Variants in MTPN observed in about 807,000 individuals in gnomAD.
MTPN encodes the protein myotrophin.
In MTPN, 2 loss-of-function variants were observed where a neutral mutation model predicts 13.5. That is an observed-to-expected ratio of 0.15 (90% confidence interval 0.06 to 0.47). The LOEUF (loss-of-function observed/expected upper bound fraction) is 0.47. MTPN is among the 20% of genes least tolerant of loss of function. The probability of loss-of-function intolerance (pLI) is 0.97; values close to 1 mark genes in which losing one functional copy is unlikely to be tolerated. For synonymous variants in MTPN, 46 were observed against 51.7 expected (o/e 0.89, Z 0.48); for missense variants, 79 against 137.9 (o/e 0.57, Z 2.14).
intron 3 of MTPN, among the ~76,000 whole-genome samples, chr7:135,935,078 G>A (rs750474715): frequency 2.0e-5 from 3 of 152,060 alleles, no homozygotes; most frequent in Non-Finnish European, 2.9e-5. Flanking sequence ...CTCCAACAAG[G>A]TGAAGAACAC....
intron 3 of MTPN, chr7:135,932,168 A>G (rs1799033157): frequency 6.6e-6 from 1 of 152,124 alleles, no homozygotes; most frequent in African/African-American, 2.4e-5. Context: ...TATTTTCCTC[A>G]CCAAATTTCA....
intron 3 of MTPN, among the ~76,000 whole-genome samples, chr7:135,939,925 A>T (rs1376623398): frequency 2.6e-5 from 4 of 152,208 alleles, no homozygotes; most frequent in African/African-American, 9.7e-5. Context: ...GGGTCATAGT[A>T]ACAGAAATAT....
In MTPN at chr7:135,930,091, G is replaced by A. The variant is rs906299247; in HGVS notation, c.271-79C>T. ...ATGTAAGACTAGCTCACATGGCACAGGTTAATGTTTACATCAAGAATTAAA... is the reference window on the plus strand; with the variant it reads ...ATGTAAGACTAGCTCACATGGCACAAGTTAATGTTTACATCAAGAATTAAA... On this transcript the variant is annotated intron_variant, in intron 3 of 3. Transcript: ENST00000393085. 3.3e-6 allele frequency: 4 copies of A among 1,215,820 alleles called. No homozygotes were observed. In the African/African-American group the frequency reaches 4.5e-5, roughly 14 times the overall value. 75.3% of individuals were successfully genotyped at this position (1,215,820 alleles called of 1,614,324 possible).
chr7:135,941,283 G>A (rs765653188), intron 3 of MTPN, among the ~76,000 whole-genome samples: 1 of 144,386 alleles, frequency 6.9e-6, no homozygotes, highest in Non-Finnish European at 1.5e-5. Flanking sequence ...CAGATGTCAA[G>A]TGATTTACTA....
At chr7:135,952,028 G>A (rs1195638231) in intron 1 of MTPN, among the ~76,000 whole-genome samples, 1 of 152,148 alleles carries the variant, frequency 6.6e-6, no homozygotes, top group Non-Finnish European at 1.5e-5. Context: ...CCACTTTGAT[G>A]TAGGCAGCCA....
At chr7:135,968,938 C>A (rs1242227936) in intron 1 of MTPN, among the ~76,000 whole-genome samples, 1 of 151,592 alleles carries the variant, frequency 6.6e-6, no homozygotes, top group Non-Finnish European at 1.5e-5. Context: ...AGAAAAAGAG[C>A]AAGAAATCTG....
At chr7:135,949,708 C>G (rs1204025451) in intron 3 of MTPN, among the ~76,000 whole-genome samples, 2 of 152,174 alleles carry the variant, frequency 1.3e-5, no homozygotes, top group Admixed American at 1.3e-4. Flanking sequence ...CTTACTGAAG[C>G]TGACACTACA....
At chr7:135,954,558 C>T (rs952572758) in intron 1 of MTPN, among the ~76,000 whole-genome samples, 6 of 152,118 alleles carry the variant, frequency 3.9e-5, no homozygotes, top group African/African-American at 1.2e-4. Flanking sequence ...ATTAACTGGA[C>T]GAGTCTTTAG....
intron 1 of MTPN, among the ~76,000 whole-genome samples, chr7:135,959,381 C>T (rs1054086823): frequency 2.0e-5 from 3 of 152,094 alleles, no homozygotes; most frequent in East Asian, 1.9e-4. Flanking sequence ...TGGAGATTGG[C>T]GGAAAAGTAC....
intron 1 of MTPN, among the ~76,000 whole-genome samples, chr7:135,964,560 G>A (rs1799576095): frequency 2.0e-5 from 3 of 152,014 alleles, no homozygotes; most frequent in Non-Finnish European, 4.4e-5. Context: ...TTCAGTTTAA[G>A]AATCTAAATT....
intron 3 of MTPN, among the ~76,000 whole-genome samples, chr7:135,948,860 C>CA (rs762858167): frequency 1.1e-4 from 17 of 151,876 alleles, no homozygotes; most frequent in Non-Finnish European, 1.9e-4. Flanking sequence ...GGGACCTAAG[C>CA]AAAAAATGAT....
At position 135,929,225 on chromosome 7, in the gene MTPN, C is replaced by T. The variant is rs1239636897; in HGVS notation, c.*701G>A. On this transcript the variant is annotated 3_prime_UTR_variant, in exon 4 of 4. Coordinates refer to ENST00000393085, the MANE Select transcript of MTPN (RefSeq NM_145808.4). ...TGGAATGGTTTCTCCTTTAGACTTC[C>T]AAAACTTAAGATTTTATAAATAAAA... The T allele has an allele frequency of 6.0e-6, 1 of 166,790 alleles. No homozygotes were observed. Among genetic ancestry groups the T allele is most frequent in the Non-Finnish European group, 1.5e-5 (1 of 68,074 alleles). 10.3% of individuals were successfully genotyped at this position (166,790 alleles called of 1,614,324 possible).
chr7:135,950,319 C>T (rs1010539), intron 3 of MTPN, among the ~76,000 whole-genome samples: 12,179 of 152,202 alleles, frequency 0.08, 560 homozygotes, highest in Admixed American at 0.1. Flanking sequence ...TCTATATCAT[C>T]AAGTACAATG....
rs1798984977 is a variant in MTPN, at chr7:135,929,738, C to T, written c.*188G>A. ...TCCCAGTAAAAGCCTGATCATGGTT[C>T]CTTTTGCCCCTCCTCCAAAACAATT... On this transcript the variant is annotated 3_prime_UTR_variant, in exon 4 of 4. Transcript: ENST00000393085. 2 of 597,462 alleles carry T rather than the reference C, an allele frequency of 3.3e-6. No homozygotes were observed. Among genetic ancestry groups the T allele is most frequent in the Non-Finnish European group, 6.1e-6 (2 of 326,746 alleles). The allele number at this position is 597,462 out of a possible 1,614,324, so 37.0% of individuals were successfully genotyped here.
In MTPN at chr7:135,928,014, C is replaced by A. The variant is rs752187555; in HGVS notation, c.*1912G>T. 4 of 264,990 alleles carry A rather than the reference C, an allele frequency of 1.5e-5. No homozygotes were observed. The highest frequency in any genetic ancestry group is 4.7e-5 in the African/African-American group (2 of 42,890). The allele number at this position is 264,990 out of a possible 1,614,324, so 16.4% of individuals were successfully genotyped here. ...AGGTGAAAACAAAGGTATCAAAACA[C>A]CCTGTTGCACTACGTTGATAGTTAT... is the stretch of plus-strand genomic sequence containing the variant. On this transcript the variant is annotated 3_prime_UTR_variant, in exon 4 of 4. Coordinates refer to ENST00000393085, the MANE Select transcript of MTPN (RefSeq NM_145808.4).
chr7:135,950,123 T>A (rs929049453), intron 3 of MTPN, among the ~76,000 whole-genome samples: 5 of 152,176 alleles, frequency 3.3e-5, no homozygotes, highest in Non-Finnish European at 7.4e-5. Context: ...TTTACCACTA[T>A]CTCAAGCATA....
At chr7:135,975,794 TA>T (rs1181189788) in intron 1 of MTPN, among the ~76,000 whole-genome samples, 6 of 152,236 alleles carry the variant, frequency 3.9e-5, no homozygotes, top group Admixed American at 3.9e-4. Context: ...CAGCCTGTCC[TA>T]AAACTCCACT....
intron 3 of MTPN, among the ~76,000 whole-genome samples, chr7:135,941,079 C>T (rs948803530): frequency 6.6e-6 from 1 of 152,148 alleles, no homozygotes; most frequent in African/African-American, 2.4e-5. Context: ...TGGCCCTTAA[C>T]AGAAAATGTT....
chr7:135,955,144 A>T (rs1312790220), intron 1 of MTPN, among the ~76,000 whole-genome samples: 8 of 152,198 alleles, frequency 5.3e-5, no homozygotes, highest in African/African-American at 1.9e-4. Context: ...GCAGGGCCTT[A>T]GCAAAGCAGT....
Sources: gnomAD v4.1 joint callset for allele counts (sites outside exome capture counted in the v4.1 genomes callset) on GRCh38, gnomAD v4.1.1 for gene constraint, MANE v1.5 for transcripts, NCBI Gene and HGNC (gene_info 2026-07-23, HGNC 2026-07-21) for gene names.